Variants in FHAD1 observed in about 807,000 individuals in gnomAD.
FHAD1 encodes forkhead-associated domain-containing protein 1.
FHAD1 carries 146 observed loss-of-function variants against 191.3 expected under a neutral mutation model. The observed-to-expected ratio is 0.76, with a 90% CI of 0.67 to 0.88. The LOEUF is 0.88. Among genes scored for constraint, FHAD1 ranks in the 40% least tolerant of loss-of-function variants. FHAD1 has a pLI of 0.00. For missense variants in FHAD1, 1,635 were observed against 1,785.8 expected, an observed-to-expected ratio of 0.92 and a Z score of 1.52; for synonymous variants, 616 against 672.3, an observed-to-expected ratio of 0.92 and a Z score of 1.29.
intron 1 of FHAD1, among the ~76,000 whole-genome samples, chr1:15,247,681 G>A (rs1204473238): frequency 6.6e-6 from 1 of 152,128 alleles, no homozygotes; most frequent in Admixed American, 6.5e-5. Context: ...GGATTAGGAG[G>A]GGCATCCCTG....
chr1:15,268,423 C>A (rs1211795497), intron 2 of FHAD1, among the ~76,000 whole-genome samples: 2 of 146,880 alleles, frequency 1.4e-5, no homozygotes, highest in Non-Finnish European at 3.0e-5. Context: ...GGTTCCAAGT[C>A]TTTGCTATTG....
At chr1:15,314,153 A>G (rs1352735130) in intron 8 of FHAD1, among the ~76,000 whole-genome samples, 2 of 151,838 alleles carry the variant, frequency 1.3e-5, no homozygotes, top group African/African-American at 4.8e-5. Flanking sequence ...CTGAACCTAT[A>G]GGATTTCTCA....
intron 4 of FHAD1, among the ~76,000 whole-genome samples, chr1:15,290,673 C>A (rs1463505411): frequency 6.6e-6 from 1 of 151,624 alleles, no homozygotes; most frequent in Non-Finnish European, 1.5e-5. Context: ...CAGCCATTTT[C>A]CCCCAACATT....
intron 18 of FHAD1, among the ~76,000 whole-genome samples, chr1:15,346,604 T>C (rs1027758931): frequency 6.6e-6 from 1 of 152,256 alleles, no homozygotes; most frequent in Admixed American, 6.5e-5. Context: ...ATTGAAGATA[T>C]TCTACTTCTG....
chr1:15,396,587 T>G (rs937666901), intron 33 of FHAD1, among the ~76,000 whole-genome samples: 1 of 152,140 alleles, frequency 6.6e-6, no homozygotes, highest in African/African-American at 2.4e-5. Flanking sequence ...GGCAGGCAGA[T>G]CACTTGAGGT....
At chr1:15,292,500 AT>A (rs1384666391) in intron 4 of FHAD1, among the ~76,000 whole-genome samples, 1 of 152,096 alleles carries the variant, frequency 6.6e-6, no homozygotes, top group Admixed American at 6.5e-5. Flanking sequence ...CGCCCAGCTA[AT>A]TTTTTGTGTT....
chr1:15,339,336 G>A (rs368146754), intron 14 of FHAD1, 145 bp from the exon 15 acceptor site: 13 of 366,878 alleles, frequency 3.5e-5, no homozygotes, highest in Non-Finnish European at 5.8e-5. Flanking sequence ...CACCGTGCCC[G>A]GCTGCTTATC....
At position 15,276,791 on chromosome 1, in the gene FHAD1, CAA is replaced by C. The variant is rs372488607; in HGVS notation, c.300+4274_300+4275del. 1.4e-5 allele frequency among the ~76,000 whole-genome samples: 2 copies of C among 138,888 alleles called. No individual in the cohort carries two copies. Among genetic ancestry groups the C allele is most frequent in the Admixed American group, 7.2e-5 (1 of 13,840 alleles). 91.1% of individuals were successfully genotyped at this position (138,888 alleles called of 152,430 possible). ...CCTGGGCAACAGAGTGAGACTCTCT[CAA>C]AAAAAAAAAAAGTATAGCCTAGGGC... On this transcript the variant is annotated intron_variant, in intron 3 of 33. Coordinates refer to ENST00000688493, the MANE Select transcript of FHAD1 (RefSeq NM_001391957.1). This position sits in a 1 kb window ranked among gnomAD's most constrained non-coding sequence, Gnocchi z 4.7.
At chr1:15,271,834 T>C (rs1212693086) in intron 2 of FHAD1, among the ~76,000 whole-genome samples, 5 of 152,168 alleles carry the variant, frequency 3.3e-5, no homozygotes, top group Admixed American at 6.5e-5. Context: ...CTTTTCTCTA[T>C]TTCTTGTTTG....
At chr1:15,339,664 C>T in intron 15 of FHAD1, 113 bp downstream of exon 15, 1 of 368,186 alleles carries the variant, frequency 2.7e-6, no homozygotes, top group Non-Finnish European at 5.0e-6. Flanking sequence ...CCAGTCCACA[C>T]CCTCCAATAG....
At chr1:15,301,583 C>A in intron 6 of FHAD1, 142 bp downstream of exon 6, 1 of 679,850 alleles carries the variant, frequency 1.5e-6, no homozygotes, top group Non-Finnish European at 2.5e-6. Context: ...ATCCACAAGA[C>A]TGGGAGATTC....
Position 15,312,908 on chromosome 1 carries a change from G to T in FHAD1, c.1040-149G>T. The T allele has an allele frequency of 2.4e-6, 2 of 848,852 alleles. No individual in the cohort carries two copies. The highest frequency in any genetic ancestry group is 1.7e-5 in the African/African-American group (1 of 58,374). The allele number at this position is 848,852 out of a possible 1,614,324, so 52.6% of individuals were successfully genotyped here. On this transcript the variant is annotated intron_variant, in intron 7 of 33. Transcript: ENST00000688493. The surrounding 1 kb of genome is among the most constrained non-coding windows in gnomAD (Gnocchi z 4.7). Reference sequence around the variant, plus strand: ...GACCTTGAACAAATGATGTGCAGTGGATATTGGTCTCAACCCCATTCAAGC... The same window carrying T: ...GACCTTGAACAAATGATGTGCAGTGTATATTGGTCTCAACCCCATTCAAGC...
intron 6 of FHAD1, among the ~76,000 whole-genome samples, chr1:15,307,979 C>T (rs559617720): frequency 9.2e-5 from 14 of 152,344 alleles, no homozygotes; most frequent in Middle Eastern, 3.4e-3. Flanking sequence ...ATCCACCCGC[C>T]TCAGCCTCCC....
At chr1:15,287,514 A>T (rs1386952954) in intron 3 of FHAD1, among the ~76,000 whole-genome samples, 1 of 152,192 alleles carries the variant, frequency 6.6e-6, no homozygotes, top group Non-Finnish European at 1.5e-5. Flanking sequence ...AAAGCCCATT[A>T]TAAAACCATC....
At chr1:15,393,813 C>G (rs1021549210) in intron 33 of FHAD1, among the ~76,000 whole-genome samples, 2 of 150,504 alleles carry the variant, frequency 1.3e-5, no homozygotes, top group East Asian at 4.0e-4. Context: ...TAAATAATAA[C>G]TTTGAGCCCA....
rs760763987 is a variant in FHAD1, at chr1:15,329,392, T to C, written c.1757T>C (p.Val586Ala). Residue 586 changes from valine to alanine, a missense_variant, in exon 14 of 34, where the codon GTC becomes GCC. Val to Ala is a moderately conservative substitution (Grantham distance 64). Transcript: ENST00000688493. This position sits in a 1 kb window ranked among gnomAD's most constrained non-coding sequence, Gnocchi z 5.0. ...SCCSHDLKKE[V>A]DLLQHLQVSP... The stretch of plus-strand genomic sequence containing the variant: ...TGCAGCCATGACCTGAAGAAGGAGG[T>C]CGACCTTCTTCAGCACCTCCAGGTG... 65 of 1,550,632 alleles carry C rather than the reference T, an allele frequency of 4.2e-5. No individual in the cohort carries two copies. Among genetic ancestry groups the C allele is most frequent in the Non-Finnish European group, 5.6e-5 (64 of 1,146,576 alleles).
At chr1:15,378,388 G>A (rs1700141395) in intron 28 of FHAD1, among the ~76,000 whole-genome samples, 1 of 152,258 alleles carries the variant, frequency 6.6e-6, no homozygotes, top group Non-Finnish European at 1.5e-5. Flanking sequence ...CCAGGACTGT[G>A]TCCCTGGAGG....
downstream of FHAD1, chr1:15,400,367 C>A (rs1415284189): frequency 1.3e-5 from 2 of 152,260 alleles, no homozygotes; most frequent in African/African-American, 2.4e-5. Flanking sequence ...TTTATTATTT[C>A]TTTTGATTCC....
intron 15 of FHAD1, 93 bp from the exon 16 acceptor site, chr1:15,341,643 C>T (rs1236107046): frequency 8.8e-6 from 10 of 1,133,844 alleles, no homozygotes; most frequent in Non-Finnish European, 1.1e-5. Flanking sequence ...ACCTTTGTAC[C>T]CAGAAAGGTA....
Sources: allele counts gnomAD v4.1 joint callset (sites outside exome capture counted in the v4.1 genomes callset), GRCh38; gene constraint gnomAD v4.1.1; non-coding constraint Gnocchi (gnomAD v3.1); transcripts MANE v1.5; gene names NCBI Gene and HGNC (gene_info 2026-07-23, HGNC 2026-07-21).